LRRC4C: variants seen among roughly 807,000 people sequenced by gnomAD.
LRRC4C encodes leucine-rich repeat-containing protein 4C.
Under a neutral mutation model 33.6 loss-of-function variants are expected in LRRC4C, and 5 were observed. That is an observed-to-expected ratio of 0.15 (90% CI 0.08 to 0.31). The LOEUF is 0.31. Ranked by LOEUF, LRRC4C falls within the 10% of genes least tolerant of loss-of-function variation. The pLI, the probability that LRRC4C is intolerant of heterozygous loss-of-function variation, is 1.00. For synonymous variants in LRRC4C, 329 were observed against 302.0 expected (o/e 1.09, Z -0.93); for missense variants, 560 against 796.7 (o/e 0.70, Z 3.58).
intron 3 of LRRC4C, among the ~76,000 whole-genome samples, chr11:40,487,529 A>T (rs1479989483): frequency 6.6e-6 from 1 of 152,072 alleles, no homozygotes; most frequent in African/African-American, 2.4e-5. Context: ...AACTAGAATC[A>T]TAGGTATTGT....
At chr11:40,313,058 A>G (rs1945391346) in intron 4 of LRRC4C, among the ~76,000 whole-genome samples, 1 of 152,120 alleles carries the variant, frequency 6.6e-6, no homozygotes, top group African/African-American at 2.4e-5. Flanking sequence ...AATGGCAAAT[A>G]TATTATTGCC....
chr11:40,611,157 A>G (rs1262408732), intron 3 of LRRC4C, among the ~76,000 whole-genome samples: 1 of 151,872 alleles, frequency 6.6e-6, no homozygotes, highest in African/African-American at 2.4e-5. Context: ...AAATAGTATG[A>G]AACTGGCATA....
intron 3 of LRRC4C, among the ~76,000 whole-genome samples, chr11:40,454,203 T>C (rs1266858739): frequency 6.6e-6 from 1 of 151,848 alleles, no homozygotes; most frequent in Non-Finnish European, 1.5e-5. Flanking sequence ...CAGTGAGTCA[T>C]TTGTTACCAA....
chr11:41,025,347 A>C (rs1468895214), intron 1 of LRRC4C, among the ~76,000 whole-genome samples: 2 of 151,640 alleles, frequency 1.3e-5, no homozygotes, highest in East Asian at 1.9e-4. Context: ...GGAAATTAAA[A>C]TGCCACTCCA....
At chr11:41,374,417 G>A (rs1199726663) in intron 1 of LRRC4C, among the ~76,000 whole-genome samples, 2 of 152,026 alleles carry the variant, frequency 1.3e-5, no homozygotes, top group Non-Finnish European at 2.9e-5. Flanking sequence ...AATTTACTCA[G>A]ACAATGAATC....
chr11:40,739,029 ATGTGTGTGTG>A (rs746979119), intron 2 of LRRC4C, among the ~76,000 whole-genome samples: 2 of 137,320 alleles, frequency 1.5e-5, no homozygotes, highest in East Asian at 3.0e-4. Flanking sequence ...GTGTGTGTGT[ATGTGTGTGTG>A]TGTGTGTGTG....
chr11:40,984,156 A>G (rs1362401390), intron 1 of LRRC4C, among the ~76,000 whole-genome samples: 1 of 151,342 alleles, frequency 6.6e-6, no homozygotes, highest in African/African-American at 2.4e-5. Flanking sequence ...AAGTAAAGAA[A>G]GAAAGAAAGA....
intron 1 of LRRC4C, among the ~76,000 whole-genome samples, chr11:41,439,441 A>C: frequency 6.6e-6 from 1 of 152,172 alleles, no homozygotes; most frequent in East Asian, 1.9e-4. Flanking sequence ...GCTCTTTGAG[A>C]AATCTCCATA....
chr11:40,648,401 T>C (rs1221792013), intron 2 of LRRC4C, 123 bp from the exon 3 acceptor site: 2 of 152,188 alleles, frequency 1.3e-5, no homozygotes, highest in Non-Finnish European at 2.9e-5. Context: ...ACATTGACCA[T>C]TTTTATTTTT....
chr11:40,894,467 A>G (rs1045643097), intron 2 of LRRC4C, among the ~76,000 whole-genome samples: 10 of 152,164 alleles, frequency 6.6e-5, no homozygotes, highest in Non-Finnish European at 1.2e-4. Flanking sequence ...AGATATTGAC[A>G]CTGATCATTA....
intron 4 of LRRC4C, among the ~76,000 whole-genome samples, chr11:40,303,003 C>G (rs1375897750): frequency 1.3e-5 from 2 of 152,148 alleles, no homozygotes; most frequent in Admixed American, 1.3e-4. Flanking sequence ...CTCCATATAA[C>G]AGCCACATCA....
chr11:40,702,674 A>G (rs1945929318), intron 2 of LRRC4C, among the ~76,000 whole-genome samples: 1 of 151,910 alleles, frequency 6.6e-6, no homozygotes, highest in African/African-American at 2.4e-5. Context: ...GTTTTCTTCA[A>G]TTACCATACA....
intron 3 of LRRC4C, among the ~76,000 whole-genome samples, chr11:40,535,596 T>C (rs897915547): frequency 7.9e-5 from 12 of 152,200 alleles, no homozygotes; most frequent in African/African-American, 2.9e-4. Flanking sequence ...AAAGATTAGT[T>C]TGTGTGTGTG....
chr11:41,227,205 C>T (rs1002072779), intron 1 of LRRC4C, among the ~76,000 whole-genome samples: 5 of 151,874 alleles, frequency 3.3e-5, no homozygotes, highest in Non-Finnish European at 7.4e-5. Flanking sequence ...CATATTTTCC[C>T]GAAGTACTAT....
intron 1 of LRRC4C, among the ~76,000 whole-genome samples, chr11:41,001,865 T>A (rs1256587486): frequency 1.0e-4 from 2 of 19,270 alleles, no homozygotes; most frequent in Non-Finnish European, 2.3e-4. Flanking sequence ...TCTGTGACAT[T>A]TTTTTTTTTT....
At chr11:41,443,969 T>G (rs184752734) in intron 1 of LRRC4C, among the ~76,000 whole-genome samples, 148 of 152,128 alleles carry the variant, frequency 9.7e-4, no homozygotes, top group African/African-American at 3.3e-3. Context: ...CCTGAGTATG[T>G]ATTTTGGGCA....
chr11:40,436,757 T>A (rs145950173), intron 3 of LRRC4C, among the ~76,000 whole-genome samples: 2 of 152,304 alleles, frequency 1.3e-5, no homozygotes, highest in African/African-American at 4.8e-5. Flanking sequence ...AGCAGGGATT[T>A]CAGAGTGCTA....
chr11:41,122,835 T>C (rs897441631), intron 1 of LRRC4C: 3 of 152,038 alleles, frequency 2.0e-5, no homozygotes, highest in African/African-American at 4.8e-5. Context: ...AAATCAGGAT[T>C]TCATGGGTTT....
At chr11:41,081,377 A>G (rs1939555344) in intron 1 of LRRC4C, among the ~76,000 whole-genome samples, 1 of 152,228 alleles carries the variant, frequency 6.6e-6, no homozygotes, top group Non-Finnish European at 1.5e-5. Flanking sequence ...GGCACTGAAT[A>G]AAAAGGTCCC....
Sources: gnomAD v4.1 joint callset for allele counts (sites outside exome capture counted in the v4.1 genomes callset) on GRCh38, gnomAD v4.1.1 for gene constraint, MANE v1.5 for transcripts, NCBI Gene and HGNC (gene_info 2026-07-23, HGNC 2026-07-21) for gene names.